The following LIMCH1 variants were observed in gnomAD, a reference collection of about 807,000 sequenced individuals.
LIMCH1 encodes LIM and calponin homology domains-containing protein 1.
Under a neutral mutation model 176.5 loss-of-function variants are expected in LIMCH1, and 113 were observed. That is an observed-to-expected ratio of 0.64 (90% confidence interval 0.55 to 0.75). The LOEUF (loss-of-function observed/expected upper bound fraction) is 0.75, where lower values mean the gene tolerates loss of function less well. Ranked by LOEUF, LIMCH1 falls within the 30% of genes least tolerant of loss-of-function variation. The pLI is 0.00. For synonymous variants in LIMCH1, 619 were observed against 645.9 expected (o/e 0.96, Z 0.63); for missense variants, 1,674 against 1,814.9 (o/e 0.92, Z 1.41).
intron 1 of LIMCH1, among the ~76,000 whole-genome samples, chr4:41,416,337 G>C (rs2059933632): frequency 6.6e-6 from 1 of 152,046 alleles, no homozygotes; most frequent in African/African-American, 2.4e-5. Context: ...ATTTACCCTG[G>C]TATGCTTCAT....
At position 41,633,548 on chromosome 4, in the gene LIMCH1, G is replaced by A; in HGVS notation, c.1830G>A (p.Leu610=). Residue 610 remains leucine, a splice_region_variant and synonymous_variant, in exon 13 of 32, where the codon CTG becomes CTA. Coordinates refer to ENST00000503057, the MANE Select transcript of LIMCH1 (RefSeq NM_001330672.2). The stretch of plus-strand genomic sequence containing the variant: ...CTGGCTGGACTGAATGTTGCCCTAG[G>A]GTGTGTCCTCTGGCCTCTGAGTGTG... ...AERSEDSSQP[L]VCPLASECEA... is the part of the protein sequence containing the mutation. 2 of 1,535,988 alleles carry A rather than the reference G, an allele frequency of 1.3e-6. No homozygotes were observed. The highest frequency in any genetic ancestry group is 4.9e-5 in the East Asian group (2 of 40,918).
chr4:41,443,656 G>T (rs2062955550), intron 1 of LIMCH1, among the ~76,000 whole-genome samples: 1 of 152,156 alleles, frequency 6.6e-6, no homozygotes, highest in African/African-American at 2.4e-5. Context: ...TGTAAGCAAT[G>T]GCTAAACTCT....
chr4:41,421,918 A>G (rs1286953894), intron 1 of LIMCH1, among the ~76,000 whole-genome samples: 1 of 152,040 alleles, frequency 6.6e-6, no homozygotes, highest in African/African-American at 2.4e-5. Flanking sequence ...CCTCGTCTCT[A>G]CTAAAAATAC....
intron 1 of LIMCH1, among the ~76,000 whole-genome samples, chr4:41,573,927 G>A (rs1419036628): frequency 6.6e-6 from 1 of 152,138 alleles, no homozygotes; most frequent in African/African-American, 2.4e-5. Context: ...TATTTTTAAA[G>A]TTCTGTGTCC....
Position 41,680,938 on chromosome 4 carries a change from C to T in LIMCH1, c.3613-17C>T. 2 of 1,395,508 alleles carry T rather than the reference C, an allele frequency of 1.4e-6. No individual in the cohort carries two copies. Among genetic ancestry groups the T allele is most frequent in the Middle Eastern group, 1.8e-4 (1 of 5,562 alleles). 86.4% of individuals were successfully genotyped at this position (1,395,508 alleles called of 1,614,324 possible). A position where few individuals can be genotyped will look rare whatever the true frequency, so the allele number is the denominator to read the frequency against. On this transcript the variant is annotated splice_polypyrimidine_tract_variant and intron_variant, in intron 24 of 31. Coordinates refer to ENST00000503057, the MANE Select transcript of LIMCH1 (RefSeq NM_001330672.2). ...TTTATTTTCCCCCCTTTCATCGATT[C>T]CTGTCCTTCCCCTTAGGAGCGTAAG...
intron 3 of LIMCH1, among the ~76,000 whole-genome samples, chr4:41,528,163 A>G (rs1319272264): frequency 6.6e-6 from 1 of 152,124 alleles, no homozygotes; most frequent in East Asian, 1.9e-4. Flanking sequence ...GTTTAGCAAA[A>G]AAGTCTGGGT....
At chr4:41,555,630 T>G (rs985891123) in intron 1 of LIMCH1, among the ~76,000 whole-genome samples, 6 of 152,322 alleles carry the variant, frequency 3.9e-5, no homozygotes, top group East Asian at 1.9e-4. Context: ...TATCTTCTAA[T>G]GAGAAAACAG....
chr4:41,363,831 C>T (rs1161218550), intron 1 of LIMCH1, among the ~76,000 whole-genome samples: 1 of 152,192 alleles, frequency 6.6e-6, no homozygotes, highest in Non-Finnish European at 1.5e-5. Flanking sequence ...GCTGTAGGAA[C>T]AGGTTGCACA....
intron 13 of LIMCH1, among the ~76,000 whole-genome samples, chr4:41,637,730 AT>A (rs2093651505): frequency 6.6e-6 from 1 of 152,208 alleles, no homozygotes; most frequent in African/African-American, 2.4e-5. Context: ...GAATTAAATC[AT>A]TATCAATGAA....
chr4:41,611,524 T>G (rs530791029), intron 4 of LIMCH1, among the ~76,000 whole-genome samples: 148 of 152,298 alleles, frequency 9.7e-4, no homozygotes, highest in African/African-American at 3.4e-3. Flanking sequence ...CCAAAGATGA[T>G]CAAATATTTT....
chr4:41,495,687 A>G (rs944946274), intron 2 of LIMCH1, among the ~76,000 whole-genome samples: 1 of 152,196 alleles, frequency 6.6e-6, no homozygotes, highest in Non-Finnish European at 1.5e-5. Flanking sequence ...TAAAATCATA[A>G]TAAAAAATGT....
intron 1 of LIMCH1, among the ~76,000 whole-genome samples, chr4:41,573,691 C>T (rs764840938): frequency 3.3e-5 from 5 of 152,028 alleles, no homozygotes; most frequent in Admixed American, 6.5e-5. Flanking sequence ...AGCAATACTG[C>T]ACATAAACCT....
chr4:41,471,414 A>T (rs1315814389), intron 1 of LIMCH1, among the ~76,000 whole-genome samples: 1 of 152,150 alleles, frequency 6.6e-6, no homozygotes, highest in Non-Finnish European at 1.5e-5. Context: ...AAGGACTTGA[A>T]AATCTATTTC....
Position 41,404,677 on chromosome 4 carries a change from G to A in LIMCH1, c.96+43741G>A, listed in dbSNP as rs1206470251. The stretch of plus-strand genomic sequence containing the variant: ...GCCTGTAATCCCAGCTACTGGGGAG[G>A]CTGAGGCAGGAAAATCACTTGAACC... On this transcript the variant is annotated intron_variant, in intron 1 of 26. Coordinates refer to the LIMCH1 transcript ENST00000313860. 5.9e-5 allele frequency among the ~76,000 whole-genome samples: 9 copies of A among 152,224 alleles called. No individual in the cohort carries two copies. The East Asian group carries it at 9.7e-4, about 16-fold the overall frequency.
chr4:41,682,675 C>CT (rs200784058), intron 26 of LIMCH1, among the ~76,000 whole-genome samples: 18,559 of 141,374 alleles, frequency 0.13, 1,425 homozygotes, highest in Middle Eastern at 0.24. Context: ...TTTTCTTCTT[C>CT]TTCTTTTTTT....
intron 1 of LIMCH1, among the ~76,000 whole-genome samples, chr4:41,441,722 CT>C (rs2154141680): frequency 6.6e-6 from 1 of 152,136 alleles, no homozygotes; most frequent in East Asian, 1.9e-4. Context: ...TACTCTTTTT[CT>C]TTTTCTTGGT....
intron 17 of LIMCH1, among the ~76,000 whole-genome samples, chr4:41,647,176 A>C (rs2094102133): frequency 6.6e-6 from 1 of 152,202 alleles, no homozygotes; most frequent in Non-Finnish European, 1.5e-5. Flanking sequence ...ATATAATGGC[A>C]TGATTTCTCT....
intron 1 of LIMCH1, among the ~76,000 whole-genome samples, chr4:41,594,020 A>G (rs141367102): frequency 3.3e-4 from 51 of 152,310 alleles, no homozygotes; most frequent in Middle Eastern, 3.4e-3. Context: ...TACTGACATT[A>G]TGATAATTCA....
intron 24 of LIMCH1, 82 bp from the exon 25 acceptor site, chr4:41,680,872 TA>T: frequency 1.4e-6 from 1 of 713,638 alleles, no homozygotes; most frequent in Non-Finnish European, 2.4e-6. Context: ...GATTTTTTTC[TA>T]AAGTGCCTTA....
Sources: gnomAD v4.1 joint callset for allele counts (sites outside exome capture counted in the v4.1 genomes callset) on GRCh38, gnomAD v4.1.1 for gene constraint, MANE v1.5 for transcripts, NCBI Gene and HGNC (gene_info 2026-07-23, HGNC 2026-07-21) for gene names.